TAFA2: variants seen among roughly 807,000 people sequenced by gnomAD.
TAFA2 encodes the protein TAFA chemokine like family member 2.
A neutral mutation model predicts 18.8 loss-of-function variants in TAFA2; 7 were observed. That is an observed-to-expected ratio of 0.37 (90% CI 0.21 to 0.70). The LOEUF (loss-of-function observed/expected upper bound fraction) is 0.70. Among genes scored for constraint, TAFA2 ranks in the 30% least tolerant of loss-of-function variants. TAFA2 has a pLI of 0.53. For synonymous variants in TAFA2, 60 were observed against 54.2 expected, an observed-to-expected ratio of 1.11 and a Z score of -0.47; for missense variants, 122 against 158.1, an observed-to-expected ratio of 0.77 and a Z score of 1.23.
chr12:62,009,756 G>A (rs919633986), intron 1 of TAFA2, among the ~76,000 whole-genome samples: 1 of 152,158 alleles, frequency 6.6e-6, no homozygotes, highest in Admixed American at 6.5e-5. Context: ...CTGAAAACTT[G>A]TGACACATAC....
chr12:62,246,402 T>A (rs1304273341), intron 1 of TAFA2, among the ~76,000 whole-genome samples: 1 of 152,254 alleles, frequency 6.6e-6, no homozygotes, highest in African/African-American at 2.4e-5. Flanking sequence ...TGTTTTAGAT[T>A]TGTTGAAATT....
chr12:62,095,333 T>C (rs772120219), intron 1 of TAFA2, among the ~76,000 whole-genome samples: 1 of 152,004 alleles, frequency 6.6e-6, no homozygotes, highest in Non-Finnish European at 1.5e-5. Flanking sequence ...CGATTAACAA[T>C]TAAACAAATA....
chr12:61,755,125 G>T (rs1361893324), intron 2 of TAFA2, 101 bp from the exon 3 acceptor site: 15 of 1,030,522 alleles, frequency 1.5e-5, no homozygotes, highest in Non-Finnish European at 1.9e-5. Context: ...CTCTATAAGG[G>T]GTCCACCAGG....
At chr12:61,910,163 A>G (rs1876548713) in intron 1 of TAFA2, among the ~76,000 whole-genome samples, 1 of 151,150 alleles carries the variant, frequency 6.6e-6, no homozygotes, top group East Asian at 2.0e-4. Flanking sequence ...ATGCTAATCC[A>G]TCTAACCTCC....
chr12:62,239,247 A>G (rs2062851163), intron 1 of TAFA2, among the ~76,000 whole-genome samples: 1 of 152,234 alleles, frequency 6.6e-6, no homozygotes, highest in African/African-American at 2.4e-5. Context: ...TGACCACCAC[A>G]ATAAATCTCA....
chr12:61,988,995 A>T (rs1244292676), intron 1 of TAFA2, among the ~76,000 whole-genome samples: 1 of 152,236 alleles, frequency 6.6e-6, no homozygotes, highest in Non-Finnish European at 1.5e-5. Context: ...AAATGAAAAT[A>T]TATTTTCAGC....
At chr12:61,810,322 T>TG (rs1233377616) in intron 2 of TAFA2, among the ~76,000 whole-genome samples, 1 of 148,348 alleles carries the variant, frequency 6.7e-6, no homozygotes, top group Non-Finnish European at 1.5e-5. Context: ...ATTACTTTGT[T>TG]TTTTTTTTTT....
intron 1 of TAFA2, among the ~76,000 whole-genome samples, chr12:62,074,105 G>C (rs1882700950): frequency 6.6e-6 from 1 of 152,150 alleles, no homozygotes; most frequent in Non-Finnish European, 1.5e-5. Context: ...AACTTATGCA[G>C]CACAGTCATT....
chr12:61,800,509 T>C (rs927143486), intron 2 of TAFA2, among the ~76,000 whole-genome samples: 3 of 152,166 alleles, frequency 2.0e-5, no homozygotes, highest in Admixed American at 6.5e-5. Flanking sequence ...CCTGAAAATA[T>C]GGAGCAAATA....
At chr12:62,205,920 C>T (rs2062689691) in intron 1 of TAFA2, among the ~76,000 whole-genome samples, 2 of 152,130 alleles carry the variant, frequency 1.3e-5, no homozygotes, top group Admixed American at 1.3e-4. Context: ...GGTGTGGTTT[C>T]CCAGGTGGGG....
At chr12:62,174,071 C>G (rs540733919) in intron 1 of TAFA2, among the ~76,000 whole-genome samples, 1 of 152,144 alleles carries the variant, frequency 6.6e-6, no homozygotes, top group Admixed American at 6.6e-5. Flanking sequence ...GTGGGCGGAT[C>G]GCTTGAGGCC....
intron 1 of TAFA2, chr12:61,880,397 G>T: frequency 3.7e-6 from 2 of 533,776 alleles, no homozygotes; most frequent in Non-Finnish European, 3.8e-6. Context: ...GCTGGAGGCC[G>T]CCCTGCAGTG....
chr12:61,763,772 G>A (rs1031663365), intron 2 of TAFA2, among the ~76,000 whole-genome samples: 2 of 151,888 alleles, frequency 1.3e-5, no homozygotes, highest in African/African-American at 4.8e-5. Flanking sequence ...AATCAGGAAA[G>A]GGAACCAAGC....
chr12:61,886,205 A>T (rs1875369713), intron 1 of TAFA2, among the ~76,000 whole-genome samples: 1 of 152,126 alleles, frequency 6.6e-6, no homozygotes, highest in Non-Finnish European at 1.5e-5. Context: ...TCAGAATAAA[A>T]AATTTAAGGA....
chr12:61,771,943 G>T (rs1291237100), intron 2 of TAFA2, among the ~76,000 whole-genome samples: 1 of 149,762 alleles, frequency 6.7e-6, no homozygotes, highest in Admixed American at 6.7e-5. Flanking sequence ...ACAAAAATAT[G>T]TTTCTTTGAA....
At chr12:61,955,632 AATATATATATATAT>A (rs775755094) in intron 1 of TAFA2, among the ~76,000 whole-genome samples, 815 of 41,156 alleles carry the variant, frequency 0.02, 23 homozygotes, top group East Asian at 0.055. Context: ...AAAAAAAAAA[AATATATATATATAT>A]ATATATATAT....
intron 1 of TAFA2, among the ~76,000 whole-genome samples, chr12:62,111,120 T>C (rs540532313): frequency 3.7e-4 from 56 of 152,308 alleles, no homozygotes; most frequent in Non-Finnish European, 6.8e-4. Flanking sequence ...CCTGTGGGCA[T>C]TTAGTGCTAT....
In TAFA2 at chr12:61,774,662, T is replaced by A. The variant is rs190409052; in HGVS notation, c.107-19638A>T. Among the ~76,000 whole-genome samples the A allele has an allele frequency of 4.3e-3, 660 of 151,806 alleles. 3 individuals carry two copies. Among genetic ancestry groups the A allele is most frequent in the South Asian group, 0.026 (123 of 4,812 alleles). ...GAATGATAAAATGGACTTCAGGGAT[T>A]CGGGGGAAAGAGTGGGAGGATGGTG... On this transcript the variant is annotated intron_variant, in intron 2 of 4. Transcript: ENST00000416284.
At chr12:62,097,243 T>C (rs983006873) in intron 1 of TAFA2, among the ~76,000 whole-genome samples, 2 of 152,116 alleles carry the variant, frequency 1.3e-5, no homozygotes, top group Non-Finnish European at 2.9e-5. Context: ...CTTGCAGTAA[T>C]ATAATACTTT....
Sources: gnomAD v4.1 joint callset for allele counts (sites outside exome capture counted in the v4.1 genomes callset) on GRCh38, gnomAD v4.1.1 for gene constraint, MANE v1.5 for transcripts, NCBI Gene and HGNC (gene_info 2026-07-23, HGNC 2026-07-21) for gene names.